PRLR: variants seen among roughly 807,000 people sequenced by gnomAD.
PRLR encodes hPRL receptor.
A neutral mutation model predicts 40.2 loss-of-function variants in PRLR; 13 were observed. The observed-to-expected ratio is 0.32, with a 90% confidence interval of 0.21 to 0.51. The LOEUF is 0.51. Among genes scored for constraint, PRLR ranks in the 20% least tolerant of loss-of-function variants. The pLI is 0.97. For synonymous variants in PRLR, 269 were observed against 278.7 expected (o/e 0.97, Z 0.35); for missense variants, 656 against 747.3 (o/e 0.88, Z 1.42).
intron 2 of PRLR, among the ~76,000 whole-genome samples, chr5:35,116,213 C>A (rs1773010121): frequency 6.6e-6 from 1 of 152,066 alleles, no homozygotes. Context: ...TGTGTACAAA[C>A]CCTAGGGCTT....
At chr5:35,109,465 C>T (rs1270884171) in intron 2 of PRLR, among the ~76,000 whole-genome samples, 1 of 152,016 alleles carries the variant, frequency 6.6e-6, no homozygotes, top group Non-Finnish European at 1.5e-5. Context: ...TACAATCTAC[C>T]CATCTGACAA....
At chr5:35,054,647 T>C (rs1219527476), downstream of PRLR, among the ~76,000 whole-genome samples, 3 of 152,242 alleles carry the variant, frequency 2.0e-5, no homozygotes, top group East Asian at 5.8e-4. Flanking sequence ...CATAAAGCAG[T>C]GAAAATTAAA....
rs1351202415 is a variant in PRLR, at chr5:35,063,364, C to T, written c.*1725G>A. 6.6e-6 allele frequency: 1 copy of T among 152,114 alleles called. No homozygotes were observed. Among genetic ancestry groups the T allele is most frequent in the Non-Finnish European group, 1.5e-5 (1 of 68,012 alleles). The allele number at this position is 152,114 out of a possible 1,614,324, so 9.4% of individuals were successfully genotyped here. A position where few individuals can be genotyped will look rare whatever the true frequency, so the allele number is the denominator to read the frequency against. ...TAACTCCCAGAGGTGAGCTCAAGTT[C>T]TCTATGTCCAGCTAGTAAATGGACA... On this transcript the variant is annotated 3_prime_UTR_variant, in exon 10 of 10. Transcript: ENST00000618457.
intron 1 of PRLR, among the ~76,000 whole-genome samples, chr5:35,198,833 G>C (rs1775803813): frequency 6.6e-6 from 1 of 152,142 alleles, no homozygotes; most frequent in Non-Finnish European, 1.5e-5. Context: ...CAGTGTTTCA[G>C]CCACATGTCC....
At chr5:35,221,184 T>G (rs1430943865) in intron 1 of PRLR, among the ~76,000 whole-genome samples, 3 of 152,206 alleles carry the variant, frequency 2.0e-5, no homozygotes, top group African/African-American at 7.2e-5. Context: ...AATTATATTT[T>G]TAATAAGGGT....
chr5:35,184,847 A>G (rs1775383865), intron 1 of PRLR, among the ~76,000 whole-genome samples: 1 of 152,248 alleles, frequency 6.6e-6, no homozygotes, highest in Non-Finnish European at 1.5e-5. Flanking sequence ...CCTGACTGTT[A>G]CACATGAGGA....
intron 1 of PRLR, among the ~76,000 whole-genome samples, chr5:35,140,764 T>C (rs1040203067): frequency 7.2e-5 from 11 of 152,238 alleles, no homozygotes; most frequent in South Asian, 2.1e-4. Flanking sequence ...GATTGGTCAG[T>C]GGCTATGCCA....
intron 1 of PRLR, among the ~76,000 whole-genome samples, chr5:35,216,449 A>G (rs1776290716): frequency 6.6e-6 from 1 of 152,244 alleles, no homozygotes; most frequent in Admixed American, 6.5e-5. Flanking sequence ...TAGAGTAAGC[A>G]GAGGTAAAAG....
At chr5:35,074,529 A>ATATATAT (rs1769950353) in intron 5 of PRLR, among the ~76,000 whole-genome samples, 1 of 145,912 alleles carries the variant, frequency 6.9e-6, no homozygotes, top group African/African-American at 2.7e-5. Context: ...ATATATATGA[A>ATATATAT]ATATCCAGAC....
chr5:35,057,407 G>A lies in PRLR; in HGVS notation c.*7682C>T, dbSNP rs564515756. ...AAATAAAAAAATAGAGCAAGAGTAG[G>A]TAAGGGAATTAAACATTTATTAAGC... is the stretch of plus-strand genomic sequence containing the variant. On this transcript the variant is annotated 3_prime_UTR_variant, in exon 10 of 10. Transcript: ENST00000618457. 1 of 152,138 alleles carries A rather than the reference G, an allele frequency of 6.6e-6. No individual in the cohort carries two copies. The highest frequency in any genetic ancestry group is 2.1e-4 in the South Asian group (1 of 4,824). The allele number at this position is 152,138 out of a possible 1,614,324, so 9.4% of individuals were successfully genotyped here.
intron 1 of PRLR, among the ~76,000 whole-genome samples, chr5:35,151,212 G>T (rs1774332221): frequency 6.6e-6 from 1 of 152,128 alleles, no homozygotes; most frequent in East Asian, 1.9e-4. Flanking sequence ...CCTTCCAGCT[G>T]GTGGTTTCTA....
chr5:35,175,871 C>T (rs6451186), intron 1 of PRLR, among the ~76,000 whole-genome samples: 46,759 of 151,976 alleles, frequency 0.31, 7,475 homozygotes, highest in African/African-American at 0.39. Context: ...CACAAAGTTA[C>T]AAGATACTGA....
In PRLR at chr5:35,084,630, G is replaced by T; in HGVS notation, c.213C>A (p.Leu71=). 2 of 1,609,588 alleles carry T rather than the reference G, an allele frequency of 1.2e-6. No individual in the cohort carries two copies. Among genetic ancestry groups the T allele is most frequent in the South Asian group, 2.2e-5 (2 of 89,856 alleles). ...TTATGTAGTCTGGACATTCATGCAT[G>T]AGTGTCTCTCTGCAATAAGTAATGT... The part of the protein sequence containing the change: ...SLTYHREGET[L]MHECPDYITG... Residue 71 remains leucine (L), a synonymous_variant, in exon 5 of 10, where the codon CTC becomes CTA. Transcript: ENST00000618457.
chr5:35,102,507 T>TCCTCTCCC (rs1561299504), intron 2 of PRLR, among the ~76,000 whole-genome samples: 6,435 of 119,960 alleles, frequency 0.054, 386 homozygotes, highest in African/African-American at 0.16. Flanking sequence ...ACTCCTCTCC[T>TCCTCTCCC]CTCCTCTCCT....
intron 1 of PRLR, among the ~76,000 whole-genome samples, chr5:35,217,649 G>A (rs1236185380): frequency 6.6e-6 from 1 of 152,188 alleles, no homozygotes; most frequent in East Asian, 1.9e-4. Flanking sequence ...GAGGACAGGA[G>A]AGGGGGACAT....
rs144611951 is a variant in PRLR, at chr5:35,189,395, A to T, written c.-106+40873T>A. 7.8e-3 allele frequency among the ~76,000 whole-genome samples: 1,195 copies of T among 152,268 alleles called. 11 individuals carry two copies. Among genetic ancestry groups the T allele is most frequent in the African/African-American group, 0.028 (1,154 of 41,536 alleles). On this transcript the variant is annotated intron_variant, in intron 1 of 9. Coordinates refer to ENST00000618457, the MANE Select transcript of PRLR (RefSeq NM_000949.7). Reference sequence around the variant, plus strand: ...CAGGAGTTTGAGACCAGTCTGGCCAACATGGCAAAACCCCATCCTTACTAA... The same window carrying T: ...CAGGAGTTTGAGACCAGTCTGGCCATCATGGCAAAACCCCATCCTTACTAA...
chr5:35,211,546 T>TA (rs1776167093), intron 1 of PRLR, among the ~76,000 whole-genome samples: 1 of 152,204 alleles, frequency 6.6e-6, no homozygotes, highest in Admixed American at 6.5e-5. Context: ...TAAATAGACT[T>TA]ACTTCCCAAT....
intron 5 of PRLR, among the ~76,000 whole-genome samples, chr5:35,076,235 A>C (rs1053194384): frequency 6.6e-6 from 1 of 152,244 alleles, no homozygotes; most frequent in Non-Finnish European, 1.5e-5. Flanking sequence ...GATTGGTAAT[A>C]ACAAACTTCT....
chr5:35,220,803 A>G (rs928998105), intron 1 of PRLR, among the ~76,000 whole-genome samples: 13 of 152,118 alleles, frequency 8.5e-5, no homozygotes, highest in Non-Finnish European at 1.3e-4. Flanking sequence ...CAATCTCAGC[A>G]CCCCAGAAAA....
Sources: gnomAD v4.1 joint callset for allele counts (sites outside exome capture counted in the v4.1 genomes callset) on GRCh38, gnomAD v4.1.1 for gene constraint, MANE v1.5 for transcripts, NCBI Gene and HGNC (gene_info 2026-07-23, HGNC 2026-07-21) for gene names.